Variants in SERPINI2 observed in about 807,000 individuals in gnomAD.
SERPINI2 encodes serpin family I member 2.
A neutral mutation model predicts 47.3 loss-of-function variants in SERPINI2; 48 were observed. The ratio of observed to expected loss-of-function variants is 1.02; its 90% CI spans 0.81 to 1.29. SERPINI2 has a LOEUF of 1.29. Ranked by LOEUF, SERPINI2 falls within the 50% of genes most tolerant of loss-of-function variation. SERPINI2 has a pLI of 0.00. For synonymous variants in SERPINI2, 135 were observed against 149.3 expected (o/e 0.90, Z 0.70); for missense variants, 448 against 456.9 (o/e 0.98, Z 0.18).
rs555948215 is a variant in SERPINI2, at chr3:167,464,009, C to CTTTTTTTTTTTTTT, written c.866+1183_866+1196dup. ...TGCAGTAGTTGAAGAACAGGAGTGG[C>CTTTTTTTTTTTTTT]TTTTTTTTTTTTTTTTTTTTTGGAT... On this transcript the variant is annotated intron_variant, in intron 5 of 8. Coordinates refer to ENST00000264677, the Ensembl canonical transcript of SERPINI2. Among the ~76,000 whole-genome samples the CTTTTTTTTTTTTTT allele has an allele frequency of 1.9e-4, 18 of 93,260 alleles. 1 individual carries two copies. The highest frequency in any genetic ancestry group is 2.7e-4 in the Non-Finnish European group (13 of 48,410). The allele number at this position is 93,260 out of a possible 152,430, so 61.2% of individuals were successfully genotyped here.
chr3:167,473,703 C>T (rs1750403279), intron 1 of SERPINI2: 1 of 1,222,916 alleles, frequency 8.2e-7, no homozygotes, highest in Non-Finnish European at 1.1e-6. Context: ...AAATTATAAC[C>T]TCAGACAAAT....
rs1750418613 is a variant in SERPINI2 at position 167,473,995 on chromosome 3, G to A, written c.-11+8C>T. 8.8e-7 allele frequency: 1 copy of A among 1,142,128 alleles called. No homozygotes were observed. Among genetic ancestry groups the A allele is most frequent in the South Asian group, 4.3e-5 (1 of 23,312 alleles). The allele number at this position is 1,142,128 out of a possible 1,614,324, so 70.7% of individuals were successfully genotyped here. A position where few individuals can be genotyped will look rare whatever the true frequency, so the allele number is the denominator to read the frequency against. The stretch of plus-strand genomic sequence containing the variant: ...TATTCAAAAGCTATTTATTTCTAAG[G>A]TACTTACCCCAAACTGACTTCTGAT... On this transcript the variant is annotated splice_region_variant and intron_variant, in intron 1 of 8. Transcript: ENST00000264677.
At chr3:167,457,917 G>A (rs1023940739) in intron 5 of SERPINI2, among the ~76,000 whole-genome samples, 3 of 152,136 alleles carry the variant, frequency 2.0e-5, no homozygotes, top group Non-Finnish European at 2.9e-5. Flanking sequence ...AATAGGAACC[G>A]TTGGCAGGGG....
exon 5 of SERPINI2, chr3:167,465,225 C>T (rs1750098969): frequency 1.9e-6 from 3 of 1,609,678 alleles, no homozygotes. Flanking sequence ...CTTATTTCTA[C>T]TTCCTCTTCT....
At chr3:167,465,727 G>A (rs1453996562) in intron 3 of SERPINI2, 54 bp from the exon 4 acceptor site, 53 of 1,459,868 alleles carry the variant, frequency 3.6e-5, no homozygotes, top group Non-Finnish European at 4.7e-5. Context: ...GTGATTCAGT[G>A]GAATTGCTTT....
At chr3:167,453,558 T>C (rs1289151643) in intron 5 of SERPINI2, among the ~76,000 whole-genome samples, 3 of 150,950 alleles carry the variant, frequency 2.0e-5, no homozygotes, top group Non-Finnish European at 4.4e-5. Context: ...CTTTAGTGTA[T>C]GGACAGGCCT....
At chr3:167,459,200 G>A (rs990342936) in intron 5 of SERPINI2, among the ~76,000 whole-genome samples, 4 of 149,686 alleles carry the variant, frequency 2.7e-5, no homozygotes, top group East Asian at 2.0e-4. Flanking sequence ...TCAGCCTCCC[G>A]AGTAGCTGGG....
chr3:167,459,199 C>A (rs1455839182), intron 5 of SERPINI2, among the ~76,000 whole-genome samples: 1 of 150,788 alleles, frequency 6.6e-6, no homozygotes, highest in Non-Finnish European at 1.5e-5. Flanking sequence ...CTCAGCCTCC[C>A]GAGTAGCTGG....
intron 8 of SERPINI2, among the ~76,000 whole-genome samples, chr3:167,444,957 T>C (rs912410365): frequency 6.6e-6 from 1 of 152,160 alleles, no homozygotes; most frequent in Non-Finnish European, 1.5e-5. Flanking sequence ...CCAATGTAGC[T>C]TTTTTTCTTT....
chr3:167,464,727 A>G (rs1750083563), intron 5 of SERPINI2, among the ~76,000 whole-genome samples: 1 of 152,160 alleles, frequency 6.6e-6, no homozygotes, highest in South Asian at 2.1e-4. Flanking sequence ...TTCAATTTCC[A>G]TTTTGTACTA....
intron 8 of SERPINI2, 35 bp from the exon 9 acceptor site, chr3:167,442,220 A>T: frequency 6.9e-7 from 1 of 1,456,318 alleles, no homozygotes; most frequent in Non-Finnish European, 9.3e-7. Context: ...ATACTTTAGG[A>T]ATTTCAGGAG....
At chr3:167,459,111 G>T (rs931004653) in intron 5 of SERPINI2, among the ~76,000 whole-genome samples, 6 of 140,844 alleles carry the variant, frequency 4.3e-5, no homozygotes, top group East Asian at 2.0e-4. Flanking sequence ...GTCTCGCTCT[G>T]TCGCCCAGGC....
intron 5 of SERPINI2, among the ~76,000 whole-genome samples, chr3:167,456,288 A>AT (rs1176946909): frequency 6.6e-6 from 1 of 152,006 alleles, no homozygotes; most frequent in Non-Finnish European, 1.5e-5. Flanking sequence ...TAGTATTCCC[A>AT]TTTTTATCCA....
At chr3:167,453,710 C>A (rs187631004) in intron 5 of SERPINI2, among the ~76,000 whole-genome samples, 138 of 151,190 alleles carry the variant, frequency 9.1e-4, no homozygotes, top group South Asian at 1.5e-3. Context: ...AACACTGAGC[C>A]GTAAGTTAGG....
chr3:167,474,143 A>G (rs1750424975), upstream of SERPINI2: 8 of 991,334 alleles, frequency 8.1e-6, no homozygotes, highest in Non-Finnish European at 9.6e-6. Flanking sequence ...CTAGAACAAA[A>G]GCAGGTGTTC....
At chr3:167,459,083 T>G (rs1038168995) in intron 5 of SERPINI2, among the ~76,000 whole-genome samples, 7 of 151,308 alleles carry the variant, frequency 4.6e-5, no homozygotes, top group Admixed American at 3.9e-4. Flanking sequence ...TTTTTGTTTT[T>G]TTTTTTTTTG....
intron 5 of SERPINI2, among the ~76,000 whole-genome samples, chr3:167,454,374 A>G (rs1404923013): frequency 2.0e-5 from 3 of 152,236 alleles, no homozygotes; most frequent in African/African-American, 7.2e-5. Context: ...CAACATGCAC[A>G]TTAAAATCAG....
intron 5 of SERPINI2, among the ~76,000 whole-genome samples, chr3:167,463,428 A>G (rs1434954095): frequency 6.6e-6 from 1 of 152,142 alleles, no homozygotes; most frequent in East Asian, 1.9e-4. Flanking sequence ...GAGAGAGAGT[A>G]AGAGGAGGAA....
chr3:167,463,458 T>G (rs1750040113), intron 5 of SERPINI2, among the ~76,000 whole-genome samples: 1 of 152,140 alleles, frequency 6.6e-6, no homozygotes, highest in Non-Finnish European at 1.5e-5. Flanking sequence ...GATGAAACTC[T>G]GATAAACATT....
Sources: gnomAD v4.1 joint callset for allele counts (sites outside exome capture counted in the v4.1 genomes callset) on GRCh38, gnomAD v4.1.1 for gene constraint, MANE v1.5 for transcripts, NCBI Gene and HGNC (gene_info 2026-07-23, HGNC 2026-07-21) for gene names.